The following CLMN variants were observed in gnomAD, a reference collection of about 807,000 sequenced individuals.
The protein encoded by CLMN is calmin.
CLMN carries 57 observed loss-of-function variants against 92.7 expected under a neutral mutation model. The observed-to-expected ratio is 0.61, with a 90% CI of 0.50 to 0.77. The LOEUF (loss-of-function observed/expected upper bound fraction) is 0.77. Among genes scored for constraint, CLMN ranks in the 30% least tolerant of loss-of-function variants. The pLI is 0.00. For missense variants in CLMN, 1,158 were observed against 1,237.5 expected, an observed-to-expected ratio of 0.94 and a Z score of 0.96; for synonymous variants, 466 against 470.6, an observed-to-expected ratio of 0.99 and a Z score of 0.13.
At chr14:95,279,165 CTT>C (rs1449678905) in intron 1 of CLMN, among the ~76,000 whole-genome samples, 4 of 152,110 alleles carry the variant, frequency 2.6e-5, no homozygotes, top group Non-Finnish European at 5.9e-5. Context: ...AAAATAAAAA[CTT>C]TAATACCTTT....
intron 1 of CLMN, among the ~76,000 whole-genome samples, chr14:95,304,632 T>A (rs1254241613): frequency 1.3e-5 from 2 of 151,910 alleles, no homozygotes; most frequent in Non-Finnish European, 2.9e-5. Flanking sequence ...AAGATCTCAA[T>A]GCAAATTGTA....
At chr14:95,193,301 TCCG>T (rs1436392963) in intron 12 of CLMN, 4 of 1,505,772 alleles carry the variant, frequency 2.7e-6, no homozygotes, top group Non-Finnish European at 2.7e-6. Flanking sequence ...CCAACAGTTC[TCCG>T]ACAGCAAGAA....
intron 1 of CLMN, among the ~76,000 whole-genome samples, chr14:95,240,733 C>T (rs1431709802): frequency 3.3e-5 from 5 of 152,178 alleles, no homozygotes; most frequent in African/African-American, 7.2e-5. Flanking sequence ...TATAAAGCCT[C>T]GTAATTCTCC....
Position 95,202,954 on chromosome 14 carries a change from A to G in CLMN, c.2395T>C (p.Tyr799His), listed in dbSNP as rs995551210. 1 of 1,613,784 alleles carries G rather than the reference A, an allele frequency of 6.2e-7. No homozygotes were observed. The highest frequency in any genetic ancestry group is 8.5e-7 in the Non-Finnish European group (1 of 1,179,946). ...GTACCCACACCACCCCTGCTGAGAT[A>G]CAGCACCTGGTCGCTGGCACTGGGG... ...SLPSASDQVL[Y>H]LSRGGVGTTP... Residue 799 changes from tyrosine (Y) to histidine (H), a missense_variant, in exon 9 of 13, where the codon TAT (tyrosine) becomes CAT (histidine). Tyr to His is a moderately conservative substitution (Grantham distance 83, BLOSUM62 2). Transcript: ENST00000298912.
Position 95,230,053 on chromosome 14 carries a change from C to T in CLMN, c.144+19G>A. 6.2e-7 allele frequency: 1 copy of T among 1,611,832 alleles called. No homozygotes were observed. Among genetic ancestry groups the T allele is most frequent in the Non-Finnish European group, 8.5e-7 (1 of 1,177,858 alleles). On this transcript the variant is annotated intron_variant, in intron 2 of 12. Transcript: ENST00000298912. ...ACAGATGAATCTATCACTTAGCAAA[C>T]ACCCAAGTGCGCCATTACCTTTTCT...
At chr14:95,246,175 A>G (rs1254025258) in intron 1 of CLMN, among the ~76,000 whole-genome samples, 2 of 152,170 alleles carry the variant, frequency 1.3e-5, no homozygotes, top group Admixed American at 1.3e-4. Flanking sequence ...TCCAGAGCCC[A>G]CACCTTTCCC....
intron 1 of CLMN, among the ~76,000 whole-genome samples, chr14:95,289,769 C>A (rs1364886754): frequency 1.3e-5 from 2 of 152,086 alleles, no homozygotes; most frequent in African/African-American, 4.8e-5. Context: ...CCCTTTTATG[C>A]CCAATCCCCA....
At chr14:95,221,590 C>G (rs1326825142) in intron 4 of CLMN, 101 bp downstream of exon 4, 10 of 999,812 alleles carry the variant, frequency 1.0e-5, no homozygotes, top group Non-Finnish European at 1.5e-5. Flanking sequence ...TTAGCTCAGT[C>G]CCCGTCTCAC....
chr14:95,298,205 C>T (rs1344395756), intron 1 of CLMN, among the ~76,000 whole-genome samples: 2 of 152,110 alleles, frequency 1.3e-5, no homozygotes, highest in African/African-American at 2.4e-5. Flanking sequence ...AGTCCTCTCC[C>T]TTCCCTTCCC....
chr14:95,243,575 T>C (rs1167941324), intron 1 of CLMN, among the ~76,000 whole-genome samples: 1 of 152,156 alleles, frequency 6.6e-6, no homozygotes, highest in African/African-American at 2.4e-5. Context: ...TTTTCCTTTG[T>C]TTGAAGAATC....
chr14:95,211,759 C>T (rs914559552), intron 6 of CLMN, among the ~76,000 whole-genome samples: 2 of 152,158 alleles, frequency 1.3e-5, no homozygotes, highest in African/African-American at 4.8e-5. Context: ...CTTTCCCCAG[C>T]TTCCTCCAGT....
intron 5 of CLMN, among the ~76,000 whole-genome samples, chr14:95,214,340 G>T (rs1174957497): frequency 6.9e-6 from 1 of 145,558 alleles, no homozygotes; most frequent in Admixed American, 6.8e-5. Flanking sequence ...GGTGGCTGCT[G>T]CTGCTTTTTT....
chr14:95,193,836 T>G lies in CLMN; in HGVS notation c.2840+13A>C, dbSNP rs2140557783. On this transcript the variant is annotated intron_variant, in intron 12 of 12. Coordinates refer to ENST00000298912, the MANE Select transcript of CLMN (RefSeq NM_024734.4). ...ATTACTACCCCCACAAAACCTGAAG[T>G]AAAGCCACCAACCTGGTTAATATTC... is the stretch of plus-strand genomic sequence containing the variant. The G allele has an allele frequency of 1.2e-6, 2 of 1,613,312 alleles. No homozygotes were observed. The highest frequency in any genetic ancestry group is 1.7e-6 in the Non-Finnish European group (2 of 1,179,806).
At chr14:95,304,896 T>A (rs1208226046) in intron 1 of CLMN, among the ~76,000 whole-genome samples, 9 of 152,060 alleles carry the variant, frequency 5.9e-5, no homozygotes, top group Admixed American at 5.9e-4. Context: ...GATACTGGCA[T>A]GGGGGTCCCC....
intron 1 of CLMN, among the ~76,000 whole-genome samples, chr14:95,308,461 T>A (rs949648231): frequency 6.6e-6 from 1 of 152,228 alleles, no homozygotes; most frequent in African/African-American, 2.4e-5. Context: ...AGCCCCTGAC[T>A]GACTTCATCT....
chr14:95,205,986 T>C (rs1023294180), intron 8 of CLMN, among the ~76,000 whole-genome samples: 6 of 152,142 alleles, frequency 3.9e-5, no homozygotes, highest in African/African-American at 1.4e-4. Flanking sequence ...AAAAATGTAC[T>C]GATTAAATGA....
intron 8 of CLMN, among the ~76,000 whole-genome samples, chr14:95,205,479 T>C (rs1409765093): frequency 1.3e-5 from 2 of 152,116 alleles, no homozygotes; most frequent in Non-Finnish European, 2.9e-5. Flanking sequence ...ATCTCAGATA[T>C]AAAGCCTAAA....
intron 1 of CLMN, among the ~76,000 whole-genome samples, chr14:95,274,861 C>G (rs558887206): frequency 6.6e-6 from 1 of 152,046 alleles, no homozygotes; most frequent in South Asian, 2.1e-4. Flanking sequence ...CGCCTGTAGT[C>G]CTAGCTACTC....
intron 1 of CLMN, among the ~76,000 whole-genome samples, chr14:95,246,619 C>T (rs547887811): frequency 2.0e-5 from 3 of 152,216 alleles, no homozygotes; most frequent in East Asian, 1.9e-4. Context: ...GAGGCGCCCA[C>T]CACCACGCCA....
Sources: gnomAD v4.1 joint callset for allele counts (sites outside exome capture counted in the v4.1 genomes callset) on GRCh38, gnomAD v4.1.1 for gene constraint, MANE v1.5 for transcripts, NCBI Gene and HGNC (gene_info 2026-07-23, HGNC 2026-07-21) for gene names.